Variants in CDK14 observed in about 807,000 individuals in gnomAD.
CDK14 encodes the protein cyclin dependent kinase 14, also known as cyclin-dependent kinase 14.
Under a neutral mutation model 60.7 loss-of-function variants are expected in CDK14, and 34 were observed. The observed-to-expected ratio is 0.56, with a 90% CI of 0.43 to 0.75. The LOEUF is 0.75. Ranked by LOEUF, CDK14 falls within the 30% of genes least tolerant of loss-of-function variation. The pLI is 0.00. For synonymous variants in CDK14, 197 were observed against 203.7 expected (o/e 0.97, Z 0.28); for missense variants, 482 against 564.1 (o/e 0.85, Z 1.47).
intron 5 of CDK14, among the ~76,000 whole-genome samples, chr7:90,833,980 A>C (rs1438412587): frequency 6.6e-6 from 1 of 152,204 alleles, no homozygotes; most frequent in East Asian, 1.9e-4. Context: ...AAAACCATTT[A>C]GACCAATTTA....
intron 12 of CDK14, among the ~76,000 whole-genome samples, chr7:91,088,395 C>G (rs984644696): frequency 1.1e-4 from 16 of 152,158 alleles, no homozygotes; most frequent in African/African-American, 3.9e-4. Flanking sequence ...TTCATTATGT[C>G]TTTAACAACA....
chr7:91,147,162 T>TCACACACA (rs71107808), intron 14 of CDK14, among the ~76,000 whole-genome samples: 2 of 124,698 alleles, frequency 1.6e-5, no homozygotes, highest in African/African-American at 6.6e-5. Context: ...TCTCTCTCTC[T>TCACACACA]CACACACACA....
At chr7:90,867,069 T>C (rs561829679) in intron 6 of CDK14, among the ~76,000 whole-genome samples, 2 of 152,164 alleles carry the variant, frequency 1.3e-5, no homozygotes, top group Non-Finnish European at 2.9e-5. Flanking sequence ...TGAGTACAGT[T>C]ATTTCCAAGG....
rs148590774 is a variant in CDK14 at position 90,788,505 on chromosome 7, C to T, written c.465-2068C>T. 4.8e-3 allele frequency among the ~76,000 whole-genome samples: 732 copies of T among 152,244 alleles called. 3 individuals carry two copies. The highest frequency in any genetic ancestry group is 0.016 in the African/African-American group (660 of 41,540). On this transcript the variant is annotated intron_variant, in intron 4 of 14. Coordinates refer to ENST00000380050, the MANE Select transcript of CDK14 (RefSeq NM_001287135.2). ...AGAACAGAAAAGCAGCAGGCCTGTC[C>T]TGTCTGCTAAAGCAGAAGGAAAAAG...
At chr7:91,163,897 T>A (rs889239344) in intron 14 of CDK14, among the ~76,000 whole-genome samples, 6 of 152,202 alleles carry the variant, frequency 3.9e-5, no homozygotes, top group Non-Finnish European at 8.8e-5. Context: ...CCATTTAGGC[T>A]AAGAAGATAG....
intron 9 of CDK14, among the ~76,000 whole-genome samples, chr7:90,958,123 G>C (rs1024954377): frequency 6.6e-6 from 1 of 152,108 alleles, no homozygotes; most frequent in African/African-American, 2.4e-5. Context: ...AAATTGGCCT[G>C]TGATGAGGCC....
chr7:90,767,931 C>T (rs1030840206), intron 4 of CDK14, among the ~76,000 whole-genome samples: 14 of 152,156 alleles, frequency 9.2e-5, no homozygotes, highest in African/African-American at 3.4e-4. Flanking sequence ...CTGTTGTGTC[C>T]TTTGAAACTC....
intron 10 of CDK14, among the ~76,000 whole-genome samples, chr7:90,994,922 T>C (rs1200142064): frequency 1.3e-5 from 2 of 152,194 alleles, no homozygotes; most frequent in African/African-American, 4.8e-5. Context: ...CCATTCTGCC[T>C]TTGAGTAAAA....
chr7:90,759,091 A>G (rs1292907270), intron 4 of CDK14, among the ~76,000 whole-genome samples: 3 of 151,550 alleles, frequency 2.0e-5, no homozygotes, highest in Non-Finnish European at 2.9e-5. Flanking sequence ...AAAAACATCC[A>G]GGTAAAATGG....
intron 10 of CDK14, among the ~76,000 whole-genome samples, chr7:90,989,165 C>T (rs369901466): frequency 3.3e-5 from 5 of 152,194 alleles, no homozygotes; most frequent in African/African-American, 1.2e-4. Context: ...GTCCTTGTTT[C>T]CTCCACATGG....
intron 2 of CDK14, chr7:90,709,911 T>C: frequency 8.2e-7 from 1 of 1,216,012 alleles, no homozygotes; most frequent in Non-Finnish European, 1.0e-6. Context: ...AGAGACATGT[T>C]AAAGAGTTCC....
At chr7:90,931,364 G>A (rs111854286) in intron 8 of CDK14, among the ~76,000 whole-genome samples, 31 of 152,214 alleles carry the variant, frequency 2.0e-4, no homozygotes, top group African/African-American at 7.0e-4. Flanking sequence ...TCTAGAATGT[G>A]CAAGTTGGCC....
chr7:91,057,547 G>T (rs1000629075), intron 11 of CDK14, among the ~76,000 whole-genome samples: 11 of 152,042 alleles, frequency 7.2e-5, no homozygotes, highest in Non-Finnish European at 1.5e-4. Context: ...AGGTCTAATG[G>T]TTAAGTCTTT....
intron 6 of CDK14, among the ~76,000 whole-genome samples, chr7:90,893,973 G>A (rs975349973): frequency 1.3e-5 from 2 of 152,162 alleles, no homozygotes; most frequent in African/African-American, 4.8e-5. Flanking sequence ...GAACACATAT[G>A]TAAAGATTAA....
intron 14 of CDK14, among the ~76,000 whole-genome samples, chr7:91,137,366 T>G (rs1484307902): frequency 6.6e-6 from 1 of 152,168 alleles, no homozygotes; most frequent in African/African-American, 2.4e-5. Flanking sequence ...GCCAATCTGT[T>G]TTCTGAAATG....
chr7:90,793,368 A>G (rs1805911651), intron 5 of CDK14, among the ~76,000 whole-genome samples: 1 of 152,234 alleles, frequency 6.6e-6, no homozygotes, highest in Admixed American at 6.5e-5. Context: ...TTGAAATCTA[A>G]AAGATTGTGA....
At chr7:90,629,208 T>TG (rs1237122448) in intron 2 of CDK14, among the ~76,000 whole-genome samples, 12 of 152,182 alleles carry the variant, frequency 7.9e-5, no homozygotes, top group Non-Finnish European at 1.5e-4. Context: ...CAACCCTACT[T>TG]ATGTCTCCAA....
intron 14 of CDK14, among the ~76,000 whole-genome samples, chr7:91,163,889 A>G (rs1801252122): frequency 1.3e-5 from 2 of 152,204 alleles, no homozygotes; most frequent in African/African-American, 4.8e-5. Flanking sequence ...TATTATAACC[A>G]TTTAGGCTAA....
At chr7:90,785,023 T>C (rs1248353311) in intron 4 of CDK14, among the ~76,000 whole-genome samples, 1 of 152,210 alleles carries the variant, frequency 6.6e-6, no homozygotes, top group Admixed American at 6.5e-5. Context: ...CCCTCCAAAG[T>C]ATCTACATTT....
Sources: gnomAD v4.1 joint callset for allele counts (sites outside exome capture counted in the v4.1 genomes callset) on GRCh38, gnomAD v4.1.1 for gene constraint, MANE v1.5 for transcripts, NCBI Gene and HGNC (gene_info 2026-07-23, HGNC 2026-07-21) for gene names.